GTPBP10: variants seen among roughly 807,000 people sequenced by gnomAD.
The protein encoded by GTPBP10 is GTP binding protein 10.
Under a neutral mutation model 44.8 loss-of-function variants are expected in GTPBP10, and 38 were observed. That is an observed-to-expected ratio of 0.85 (90% CI 0.65 to 1.11). The LOEUF (loss-of-function observed/expected upper bound fraction) is 1.11. GTPBP10 is among the 50% of genes most tolerant of loss of function. GTPBP10 has a pLI of 0.00. For synonymous variants in GTPBP10, 152 were observed against 150.6 expected, an observed-to-expected ratio of 1.01 and a Z score of -0.07; for missense variants, 462 against 453.7, an observed-to-expected ratio of 1.02 and a Z score of -0.17.
At chr7:90,368,708 G>T (rs1191366517) in intron 4 of GTPBP10, among the ~76,000 whole-genome samples, 1 of 152,124 alleles carries the variant, frequency 6.6e-6, no homozygotes, top group Non-Finnish European at 1.5e-5. Context: ...TTTTTTGAAG[G>T]TTTTTAGCTT....
intron 4 of GTPBP10, among the ~76,000 whole-genome samples, chr7:90,360,616 A>G (rs549805486): frequency 2.0e-5 from 3 of 152,168 alleles, no homozygotes; most frequent in East Asian, 1.9e-4. Flanking sequence ...TGACTTGGCA[A>G]TGGGGGCTCT....
At chr7:90,355,658 A>C (rs1183884445) in intron 4 of GTPBP10, among the ~76,000 whole-genome samples, 1 of 152,170 alleles carries the variant, frequency 6.6e-6, no homozygotes, top group Non-Finnish European at 1.5e-5. Context: ...AAGTATCGTT[A>C]ATCAAATGGC....
chr7:90,360,397 A>G (rs1795992979), intron 4 of GTPBP10, among the ~76,000 whole-genome samples: 1 of 152,120 alleles, frequency 6.6e-6, no homozygotes, highest in Non-Finnish European at 1.5e-5. Flanking sequence ...TATATAGAGA[A>G]TCCTATCCCC....
chr7:90,378,227 T>C lies in GTPBP10; in HGVS notation c.777+16T>C. ...GCTTACAAAAGTAGGTTTTCTGTTT[T>C]ACTGTGTTCTGTATTTGGTCTAATA... On this transcript the variant is annotated intron_variant, in intron 8 of 9. Coordinates refer to ENST00000222511, the MANE Select transcript of GTPBP10 (RefSeq NM_033107.4). 6.2e-7 allele frequency: 1 copy of C among 1,603,300 alleles called. No individual in the cohort carries two copies. The highest frequency in any genetic ancestry group is 8.5e-7 in the Non-Finnish European group (1 of 1,171,542).
At position 90,389,777 on chromosome 7, in the gene GTPBP10, T is replaced by G. The variant is rs1231410880; in HGVS notation, c.*4623T>G. Reference sequence around the variant, plus strand: ...CATCTTTTTTTCTTAAAGAGATATTTCATATCTGTTCTATTTGTTTAGTTT... The same window carrying G: ...CATCTTTTTTTCTTAAAGAGATATTGCATATCTGTTCTATTTGTTTAGTTT... On this transcript the variant is annotated 3_prime_UTR_variant, in exon 10 of 10. Transcript: ENST00000222511. 7.2e-5 allele frequency: 11 copies of G among 152,170 alleles called. No individual in the cohort carries two copies. The highest frequency in any genetic ancestry group is 2.4e-4 in the African/African-American group (10 of 41,434). 9.4% of individuals were successfully genotyped at this position (152,170 alleles called of 1,614,324 possible).
chr7:90,364,278 T>A (rs946876439), intron 4 of GTPBP10, among the ~76,000 whole-genome samples: 11 of 152,208 alleles, frequency 7.2e-5, no homozygotes, highest in African/African-American at 2.7e-4. Flanking sequence ...TATCTACCTT[T>A]GGTCTTTGAT....
intron 4 of GTPBP10, among the ~76,000 whole-genome samples, chr7:90,363,103 G>T (rs13230799): frequency 6.6e-6 from 1 of 152,190 alleles, no homozygotes; most frequent in Non-Finnish European, 1.5e-5. Context: ...GCCAGTCTGT[G>T]TCTTTTAGTT....
rs911703800 is a variant in GTPBP10 at position 90,383,060 on chromosome 7, C to T, written c.882C>T (p.Ser294=). 1.3e-6 allele frequency: 2 copies of T among 1,577,314 alleles called. No homozygotes were observed. Among genetic ancestry groups the T allele is most frequent in the South Asian group, 1.2e-5 (1 of 83,238 alleles). ...DAQDKFHELM[S]QLQNPKDFLH... The stretch of plus-strand genomic sequence containing the variant: ...AAGATAAGTTCCATGAATTGATGAG[C>T]CAGCTCCAGAATCCTAAAGGTAAAC... Residue 294 remains serine (S), a synonymous_variant, in exon 9 of 10, where the codon AGC becomes AGT. Coordinates refer to ENST00000222511, the MANE Select transcript of GTPBP10 (RefSeq NM_033107.4).
intron 8 of GTPBP10, among the ~76,000 whole-genome samples, chr7:90,378,521 C>G (rs1343244912): frequency 1.3e-5 from 2 of 152,170 alleles, no homozygotes; most frequent in Admixed American, 1.3e-4. Context: ...CGGTAATCTT[C>G]TGGTTCTATT....
chr7:90,369,126 TGCA>T (rs1796199865), intron 4 of GTPBP10, among the ~76,000 whole-genome samples: 1 of 152,220 alleles, frequency 6.6e-6, no homozygotes, highest in African/African-American at 2.4e-5. Flanking sequence ...CAGCGGAGGC[TGCA>T]GAACAGCAAA....
At chr7:90,348,041 A>G (rs1345614384) in intron 1 of GTPBP10, among the ~76,000 whole-genome samples, 3 of 152,072 alleles carry the variant, frequency 2.0e-5, no homozygotes, top group Non-Finnish European at 4.4e-5. Flanking sequence ...AGTCTGGGCA[A>G]CATAGCAAGA....
intron 8 of GTPBP10, among the ~76,000 whole-genome samples, chr7:90,382,451 C>T (rs1343356963): frequency 2.0e-5 from 3 of 152,062 alleles, no homozygotes; most frequent in Non-Finnish European, 4.4e-5. Flanking sequence ...ACAAACAGGG[C>T]TTCGCTCTGT....
rs1303333135 is a variant in GTPBP10 at position 90,385,096 on chromosome 7, C to T, written c.1106C>T (p.Ser369Phe). The T allele has an allele frequency of 6.2e-7, 1 of 1,612,534 alleles. No homozygotes were observed. The highest frequency in any genetic ancestry group is 8.5e-7 in the Non-Finnish European group (1 of 1,178,772). The change falls in exon 10 of 10, where the codon TCT becomes TTT. Residue 369 changes from serine to phenylalanine, a missense_variant. By Grantham distance (155) the Ser-to-Phe change is radical. Coordinates refer to ENST00000222511, the MANE Select transcript of GTPBP10 (RefSeq NM_033107.4). Reference sequence around the variant, plus strand: ...AATTTGTGGATTTCTGATACAATGTCTTCTACTGAGCCACCATCAAAGCAT... The same window carrying T: ...AATTTGTGGATTTCTGATACAATGTTTTCTACTGAGCCACCATCAAAGCAT... ...LLNLWISDTM[S>F]STEPPSKHAV... is the part of the protein sequence containing the mutation.
At chr7:90,382,314 C>T (rs1427028018) in intron 8 of GTPBP10, among the ~76,000 whole-genome samples, 3 of 152,092 alleles carry the variant, frequency 2.0e-5, no homozygotes, top group South Asian at 2.1e-4. Flanking sequence ...GATGGGGTCT[C>T]GTTATGTTGT....
rs1045890010 is a variant in GTPBP10 at position 90,386,360 on chromosome 7, G to A, written c.*1206G>A. ...ATATGACAGAAACTAGAAGATAGCT[G>A]TTTATGATTTGAGCTTTTGGAAAAT... On this transcript the variant is annotated 3_prime_UTR_variant, in exon 10 of 10. Coordinates refer to ENST00000222511, the MANE Select transcript of GTPBP10 (RefSeq NM_033107.4). The A allele has an allele frequency of 4.6e-5, 7 of 152,168 alleles. No individual in the cohort carries two copies. Among genetic ancestry groups the A allele is most frequent in the Admixed American group, 3.3e-4 (5 of 15,276 alleles). The allele number at this position is 152,168 out of a possible 1,614,324, so 9.4% of individuals were successfully genotyped here. A position where few individuals can be genotyped will look rare whatever the true frequency, so the allele number is the denominator to read the frequency against.
intron 4 of GTPBP10, among the ~76,000 whole-genome samples, chr7:90,371,923 C>T (rs1465652767): frequency 6.6e-6 from 1 of 151,656 alleles, no homozygotes; most frequent in East Asian, 1.9e-4. Context: ...ATTTTTAAAT[C>T]ATAATTGGAA....
In GTPBP10 at chr7:90,372,207, C is replaced by A. The variant is rs147840858; in HGVS notation, c.517C>A (p.Pro173Thr). Reference protein sequence around the residue: ...SLLSCVSHAKPAIADYAFTTL... With the variant: ...SLLSCVSHAKTAIADYAFTTL... ...GCTAAGTTGTGTTTCTCATGCAAAA[C>A]CTGCAATTGCAGATTACGCATGTAA... is the stretch of plus-strand genomic sequence containing the variant. The change falls in exon 5 of 10, where the codon CCT becomes ACT. Residue 173 changes from proline to threonine, a missense_variant. Pro to Thr is a conservative substitution (Grantham distance 38). Coordinates refer to ENST00000222511, the MANE Select transcript of GTPBP10 (RefSeq NM_033107.4). 2.0e-3 allele frequency: 3,163 copies of A among 1,603,208 alleles called. 10 individuals carry two copies. Among genetic ancestry groups the A allele is most frequent in the Non-Finnish European group, 2.1e-3 (2,521 of 1,173,414 alleles).
At position 90,383,138 on chromosome 7, in the gene GTPBP10, G is replaced by A. The variant is rs1057048415; in HGVS notation, c.901+59G>A. ...AGAATAATTACAATGTACAGAGAAT[G>A]CTGTTATAATCAGTGGAAAACTGAC... On this transcript the variant is annotated intron_variant, in intron 9 of 9. Coordinates refer to ENST00000222511, the MANE Select transcript of GTPBP10 (RefSeq NM_033107.4). 9 of 1,304,978 alleles carry A rather than the reference G, an allele frequency of 6.9e-6. No individual in the cohort carries two copies. In the Admixed American group the frequency reaches 2.0e-4, roughly 29 times the overall value. The allele number at this position is 1,304,978 out of a possible 1,614,324, so 80.8% of individuals were successfully genotyped here.
chr7:90,384,833 G>C, intron 9 of GTPBP10, 59 bp from the exon 10 acceptor site: 1 of 1,506,820 alleles, frequency 6.6e-7, no homozygotes, highest in South Asian at 1.3e-5. Flanking sequence ...CCATTAACAT[G>C]GTTTTAACTA....
Sources: gnomAD v4.1 joint callset for allele counts (sites outside exome capture counted in the v4.1 genomes callset) on GRCh38, gnomAD v4.1.1 for gene constraint, MANE v1.5 for transcripts, NCBI Gene and HGNC (gene_info 2026-07-23, HGNC 2026-07-21) for gene names.